The following EPHA3 variants were observed in gnomAD, a reference collection of about 807,000 sequenced individuals.
EPHA3 encodes EPH receptor A3, also known as ephrin type-A receptor 3.
A neutral mutation model predicts 107.1 loss-of-function variants in EPHA3; 42 were observed. The ratio of observed to expected loss-of-function variants is 0.39; its 90% CI spans 0.31 to 0.51. EPHA3 has a LOEUF of 0.51. Ranked by LOEUF, EPHA3 falls within the 20% of genes least tolerant of loss-of-function variation. The pLI, the probability that EPHA3 is intolerant of heterozygous loss-of-function variation, is 0.78. For missense variants in EPHA3, 1,183 were observed against 1,211.2 expected (o/e 0.98, Z 0.35); for synonymous variants, 461 against 424.8 (o/e 1.09, Z -1.05).
chr3:89,314,642 G>A (rs1706852845), intron 3 of EPHA3, among the ~76,000 whole-genome samples: 1 of 151,890 alleles, frequency 6.6e-6, no homozygotes, highest in African/African-American at 2.4e-5. Flanking sequence ...GATGCATTCA[G>A]CTATCTGGCA....
At chr3:89,368,994 G>A (rs1708239370) in intron 5 of EPHA3, among the ~76,000 whole-genome samples, 1 of 150,510 alleles carries the variant, frequency 6.6e-6, no homozygotes, top group Non-Finnish European at 1.5e-5. Flanking sequence ...TGGTGTTGCT[G>A]ACTCACAATT....
intron 15 of EPHA3, among the ~76,000 whole-genome samples, chr3:89,468,724 T>G (rs1380661188): frequency 1.3e-5 from 2 of 152,190 alleles, no homozygotes; most frequent in Non-Finnish European, 2.9e-5. Context: ...TTATCAATTT[T>G]TTAGTGGTTC....
chr3:89,115,141 C>T (rs564858368), intron 1 of EPHA3, among the ~76,000 whole-genome samples: 2 of 152,160 alleles, frequency 1.3e-5, no homozygotes, highest in Non-Finnish European at 2.9e-5. Context: ...TTGCCTCATA[C>T]GCCCTGTTGT....
chr3:89,269,655 C>A (rs1242331949), intron 3 of EPHA3, among the ~76,000 whole-genome samples: 1 of 149,928 alleles, frequency 6.7e-6, no homozygotes, highest in Non-Finnish European at 1.5e-5. Context: ...GCACATTGTG[C>A]AGGTTAGTTA....
intron 1 of EPHA3, among the ~76,000 whole-genome samples, chr3:89,113,288 T>C (rs967197709): frequency 6.6e-6 from 1 of 151,834 alleles, no homozygotes; most frequent in Non-Finnish European, 1.5e-5. Context: ...GTCTTCCAAG[T>C]CACAAATCAA....
chr3:89,203,990 G>A (rs193256896), intron 2 of EPHA3, among the ~76,000 whole-genome samples: 1 of 152,128 alleles, frequency 6.6e-6, no homozygotes, highest in African/African-American at 2.4e-5. Context: ...AAACTTTCTG[G>A]AGACATTGTG....
chr3:89,232,679 GAAA>G, intron 3 of EPHA3, among the ~76,000 whole-genome samples: 1 of 152,232 alleles, frequency 6.6e-6, no homozygotes, highest in South Asian at 2.1e-4. Context: ...ATTAAATAAT[GAAA>G]GGCAATTAAT....
chr3:89,265,892 A>AC (rs1705528232), intron 3 of EPHA3, among the ~76,000 whole-genome samples: 1 of 152,038 alleles, frequency 6.6e-6, no homozygotes, highest in Admixed American at 6.6e-5. Flanking sequence ...ACTAGGAAAA[A>AC]ATTTCTGTAA....
At chr3:89,376,776 C>T (rs909880324) in intron 5 of EPHA3, among the ~76,000 whole-genome samples, 28 of 152,024 alleles carry the variant, frequency 1.8e-4, no homozygotes, top group African/African-American at 5.8e-4. Context: ...TTGTCATCAG[C>T]GTTATTTGCC....
chr3:89,182,593 A>G (rs1303791592), intron 2 of EPHA3, among the ~76,000 whole-genome samples: 1 of 151,984 alleles, frequency 6.6e-6, no homozygotes, highest in Non-Finnish European at 1.5e-5. Flanking sequence ...CAATCCATAC[A>G]TAAATTTTGA....
intron 3 of EPHA3, among the ~76,000 whole-genome samples, chr3:89,275,443 G>A (rs949503636): frequency 3.9e-5 from 6 of 151,964 alleles, no homozygotes; most frequent in Admixed American, 1.3e-4. Context: ...ATGTGGATTC[G>A]TAGTCATACT....
At chr3:89,378,860 ACATCAAT>A (rs1363177217) in intron 5 of EPHA3, among the ~76,000 whole-genome samples, 2 of 133,292 alleles carry the variant, frequency 1.5e-5, no homozygotes, top group Non-Finnish European at 3.5e-5. Flanking sequence ...GCGTGTATAA[ACATCAAT>A]CAGTTAATCA....
intron 3 of EPHA3, among the ~76,000 whole-genome samples, chr3:89,249,612 C>A (rs1190100123): frequency 1.3e-5 from 2 of 151,974 alleles, no homozygotes; most frequent in African/African-American, 4.8e-5. Flanking sequence ...AGTCGTATGC[C>A]ACCATGCCCT....
chr3:89,450,301 T>G lies in EPHA3; in HGVS notation c.2621T>G (p.Ile874Ser), dbSNP rs1242408900. Residue 874 changes from isoleucine to serine, a missense_variant, in exon 15 of 17, where the codon ATT becomes AGT. Coordinates refer to ENST00000336596, the MANE Select transcript of EPHA3 (RefSeq NM_005233.6). ...DRNNRPKFEQ[I>S]VSILDKLIRN... ...AACAACAGACCCAAGTTTGAGCAGA[T>G]TGTTAGTATTCTGGACAAGCTTATC... 6.2e-7 allele frequency: 1 copy of G among 1,613,982 alleles called. No individual in the cohort carries two copies. Among genetic ancestry groups the G allele is most frequent in the Non-Finnish European group, 8.5e-7 (1 of 1,179,936 alleles).
At chr3:89,124,553 C>T (rs1466708780) in intron 1 of EPHA3, among the ~76,000 whole-genome samples, 2 of 152,002 alleles carry the variant, frequency 1.3e-5, no homozygotes, top group African/African-American at 2.4e-5. Context: ...CTATTCTACT[C>T]TACTAGATCA....
rs74970889 is a variant in EPHA3 at position 89,197,076 on chromosome 3, A to C, written c.154-12784A>C. On this transcript the variant is annotated intron_variant, in intron 2 of 16. Transcript: ENST00000336596. ...TTCAGATCATGTCACTCCTCTATTC[A>C]AACCCTTTACTAAATTTCCATTTAT... Among the ~76,000 whole-genome samples the C allele has an allele frequency of 5.6e-3, 848 of 152,220 alleles. 8 individuals carry two copies. The highest frequency in any genetic ancestry group is 0.02 in the African/African-American group (820 of 41,536).
intron 3 of EPHA3, among the ~76,000 whole-genome samples, chr3:89,279,597 A>C (rs1041338198): frequency 1.3e-5 from 2 of 152,092 alleles, no homozygotes; most frequent in African/African-American, 4.8e-5. Context: ...TTAATGTAAA[A>C]CTTTGGCTAA....
rs528841771 is a variant in EPHA3, at chr3:89,390,785, A to ATTTT, written c.1307-5039_1307-5036dup. Among the ~76,000 whole-genome samples the ATTTT allele has an allele frequency of 9.8e-5, 13 of 132,106 alleles. 1 individual carries two copies. The highest frequency in any genetic ancestry group is 3.4e-4 in the African/African-American group (12 of 35,554). 86.7% of individuals were successfully genotyped at this position (132,106 alleles called of 152,430 possible). A position where few individuals can be genotyped will look rare whatever the true frequency, so the allele number is the denominator to read the frequency against. On this transcript the variant is annotated intron_variant, in intron 5 of 16. Coordinates refer to ENST00000336596, the MANE Select transcript of EPHA3 (RefSeq NM_005233.6). ...CTTCTTGGAAGAGAAATTGAAAAGC[A>ATTTT]TTTTTTTTTTTTTTTTGAGACAGAG...
chr3:89,124,580 A>G (rs1221359196), intron 1 of EPHA3, among the ~76,000 whole-genome samples: 7 of 152,084 alleles, frequency 4.6e-5, no homozygotes, highest in Non-Finnish European at 1.0e-4. Flanking sequence ...TAGGTCATGT[A>G]ATTGAATTAT....
Sources: allele counts gnomAD v4.1 joint callset (sites outside exome capture counted in the v4.1 genomes callset), GRCh38; gene constraint gnomAD v4.1.1; transcripts MANE v1.5; gene names NCBI Gene and HGNC (gene_info 2026-07-23, HGNC 2026-07-21).